Variants in DIP2C observed in about 807,000 individuals in gnomAD.
DIP2C encodes disco-interacting protein 2 homolog C.
In DIP2C, 33 loss-of-function variants were observed where a neutral mutation model predicts 192.4. That is an observed-to-expected ratio of 0.17 (90% CI 0.13 to 0.23). The LOEUF is 0.23. Among genes scored for constraint, DIP2C ranks in the 10% least tolerant of loss-of-function variants. DIP2C has a pLI of 1.00. For synonymous variants in DIP2C, 979 were observed against 864.1 expected, an observed-to-expected ratio of 1.13 and a Z score of -2.33; for missense variants, 1,537 against 2,110.1, an observed-to-expected ratio of 0.73 and a Z score of 5.32.
chr10:568,423 A>G (rs1300320199), intron 1 of DIP2C, among the ~76,000 whole-genome samples: 1 of 152,204 alleles, frequency 6.6e-6, no homozygotes, highest in Non-Finnish European at 1.5e-5. Context: ...ATCCAAGATC[A>G]GTAGAAGGAA....
chr10:384,446 C>T, intron 15 of DIP2C, 100 bp downstream of exon 15: 1 of 1,219,854 alleles, frequency 8.2e-7, no homozygotes, highest in Non-Finnish European at 1.2e-6. Flanking sequence ...CCATATTGGC[C>T]CGGGTGGTCT....
intron 1 of DIP2C, among the ~76,000 whole-genome samples, chr10:599,929 G>A (rs1851947470): frequency 6.6e-6 from 1 of 152,156 alleles, no homozygotes; most frequent in Non-Finnish European, 1.5e-5. Flanking sequence ...CATCTCCTGT[G>A]TACACCTCAA....
chr10:374,395 G>A (rs1384853986), intron 17 of DIP2C, among the ~76,000 whole-genome samples: 1 of 152,188 alleles, frequency 6.6e-6, no homozygotes, highest in African/African-American at 2.4e-5. Context: ...ACCTCACACT[G>A]GCTGTATTGT....
chr10:463,005 T>C (rs1589850020), intron 3 of DIP2C, among the ~76,000 whole-genome samples: 1 of 152,174 alleles, frequency 6.6e-6, no homozygotes, highest in African/African-American at 2.4e-5. Flanking sequence ...TAGATATTGA[T>C]GGAACACATC....
chr10:325,278 C>CAA (rs547944516), intron 31 of DIP2C, among the ~76,000 whole-genome samples: 5 of 141,468 alleles, frequency 3.5e-5, no homozygotes, highest in African/African-American at 1.0e-4. Flanking sequence ...AACAAACAAA[C>CAA]AAAAAAAAAA....
chr10:589,522 A>C (rs938577613), intron 1 of DIP2C, among the ~76,000 whole-genome samples: 1 of 151,492 alleles, frequency 6.6e-6, no homozygotes, highest in Non-Finnish European at 1.5e-5. Flanking sequence ...CCTTGTTTTC[A>C]CTCTTTTGCA....
chr10:580,288 G>A (rs1020406665), intron 1 of DIP2C, among the ~76,000 whole-genome samples: 1 of 152,128 alleles, frequency 6.6e-6, no homozygotes, highest in Non-Finnish European at 1.5e-5. Flanking sequence ...ATGTACATAT[G>A]CAGCATGCGT....
chr10:686,352 C>T (rs1383375843), intron 1 of DIP2C, among the ~76,000 whole-genome samples: 1 of 151,136 alleles, frequency 6.6e-6, no homozygotes, highest in East Asian at 2.0e-4. Flanking sequence ...CTTCCCCCCA[C>T]GTGGTCTCCC....
intron 34 of DIP2C, among the ~76,000 whole-genome samples, chr10:284,696 T>A (rs1955007592): frequency 6.6e-6 from 1 of 152,214 alleles, no homozygotes; most frequent in Admixed American, 6.5e-5. Flanking sequence ...AATAATACTA[T>A]ATCACTTAAT....
At chr10:650,448 T>C (rs1331697807) in intron 1 of DIP2C, 2 of 709,104 alleles carry the variant, frequency 2.8e-6, no homozygotes, top group African/African-American at 3.5e-5. Context: ...CTATGGTAGG[T>C]GACCCGGTTA....
chr10:652,302 C>T lies in DIP2C; in HGVS notation c.85+37192G>A, dbSNP rs373136892. 3.3e-5 allele frequency: 7 copies of T among 209,808 alleles called. No individual in the cohort carries two copies. Among genetic ancestry groups the T allele is most frequent in the South Asian group, 2.3e-4 (4 of 17,074 alleles). The allele number at this position is 209,808 out of a possible 1,614,324, so 13.0% of individuals were successfully genotyped here. On this transcript the variant is annotated intron_variant, in intron 1 of 36. Transcript: ENST00000280886. This position sits in a 1 kb window ranked among gnomAD's most constrained non-coding sequence, Gnocchi z 4.5. ...TCCTCCATCCTGAGGGCATCTTCCT[C>T]GGCATCTTCCTCCATCGACAGCAGC...
At chr10:508,386 G>A (rs756612669) in intron 1 of DIP2C, among the ~76,000 whole-genome samples, 2 of 152,088 alleles carry the variant, frequency 1.3e-5, no homozygotes, top group South Asian at 2.1e-4. Context: ...GCTCCCCAGC[G>A]TTAATGCCCC....
At chr10:483,367 C>T (rs1446816795) in intron 2 of DIP2C, among the ~76,000 whole-genome samples, 1 of 152,044 alleles carries the variant, frequency 6.6e-6, no homozygotes, top group Non-Finnish European at 1.5e-5. Flanking sequence ...AAGAAAGCAG[C>T]CTCGGCTTTG....
intron 1 of DIP2C, among the ~76,000 whole-genome samples, chr10:687,715 C>T (rs11596557): frequency 1.2e-4 from 18 of 152,234 alleles, no homozygotes; most frequent in Non-Finnish European, 2.4e-4. Flanking sequence ...ATCACTCACC[C>T]TCCAAGAGCA....
intron 1 of DIP2C, among the ~76,000 whole-genome samples, chr10:537,213 CCA>C (rs144869151): frequency 1.3e-5 from 2 of 151,972 alleles, no homozygotes; most frequent in African/African-American, 2.4e-5. Flanking sequence ...GACAACCTCA[CCA>C]CACAGAGGCA....
At position 274,910 on chromosome 10, in the gene DIP2C, A is replaced by G. The variant is rs1954433041; in HGVS notation, c.*2415T>C. 6.6e-6 allele frequency: 1 copy of G among 152,222 alleles called. No homozygotes were observed. The highest frequency in any genetic ancestry group is 1.5e-5 in the Non-Finnish European group (1 of 68,040). 9.4% of individuals were successfully genotyped at this position (152,222 alleles called of 1,614,324 possible). ...ATCTACAGTACAATTTTGAATACAG[A>G]ATGACCCTTCTTTATTGCTGAAACT... On this transcript the variant is annotated 3_prime_UTR_variant, in exon 37 of 37. Transcript: ENST00000280886.
At chr10:597,891 G>A (rs1056324424) in intron 1 of DIP2C, among the ~76,000 whole-genome samples, 1 of 152,182 alleles carries the variant, frequency 6.6e-6, no homozygotes, top group African/African-American at 2.4e-5. Context: ...AAACCAGGAG[G>A]TCTGAACGTG....
intron 1 of DIP2C, among the ~76,000 whole-genome samples, chr10:584,147 A>G (rs1008551562): frequency 1.3e-5 from 2 of 152,074 alleles, no homozygotes; most frequent in African/African-American, 2.4e-5. Flanking sequence ...TGCTAACTGC[A>G]CCCCCACATA....
intron 4 of DIP2C, chr10:430,573 A>AGG (rs1271398278): frequency 2.6e-5 from 4 of 152,186 alleles, no homozygotes; most frequent in Non-Finnish European, 4.4e-5. Context: ...GTATATTTCA[A>AGG]ATAAAAGTTA....
Sources: allele counts gnomAD v4.1 joint callset (sites outside exome capture counted in the v4.1 genomes callset), GRCh38; gene constraint gnomAD v4.1.1; non-coding constraint Gnocchi (gnomAD v3.1); transcripts MANE v1.5; gene names NCBI Gene and HGNC (gene_info 2026-07-23, HGNC 2026-07-21).